Variants in NSUN6 observed in about 807,000 individuals in gnomAD.
NSUN6 encodes tRNA (cytosine(72)-C(5))-methyltransferase NSUN6.
NSUN6 carries 64 observed loss-of-function variants against 58.0 expected under a neutral mutation model. That is an observed-to-expected ratio of 1.10 (90% confidence interval 0.90 to 1.36). NSUN6 has a LOEUF of 1.36. Among genes scored for constraint, NSUN6 ranks in the 40% most tolerant of loss-of-function variants. The pLI, the probability that NSUN6 is intolerant of heterozygous loss-of-function variation, is 0.00. For missense variants in NSUN6, 701 were observed against 550.1 expected (o/e 1.27, Z -2.74); for synonymous variants, 231 against 193.9 (o/e 1.19, Z -1.59).
intron 6 of NSUN6, among the ~76,000 whole-genome samples, chr10:18,596,650 T>C (rs770377567): frequency 2.6e-5 from 4 of 152,222 alleles, no homozygotes; most frequent in Non-Finnish European, 4.4e-5. Context: ...TATTTCCTTT[T>C]CTGAATCCCA....
intron 4 of NSUN6, 125 bp downstream of exon 4, chr10:18,616,059 G>C: frequency 3.3e-6 from 2 of 615,240 alleles, no homozygotes; most frequent in Non-Finnish European, 5.7e-6. Context: ...TAAATGCAAA[G>C]CTGGAAAAAT....
At chr10:18,651,008 T>C (rs2059687865) in intron 1 of NSUN6, 121 bp downstream of exon 1, 6 of 1,132,912 alleles carry the variant, frequency 5.3e-6, no homozygotes, top group South Asian at 4.5e-5. Flanking sequence ...TTACACTTGA[T>C]AGACAAGTAG....
chr10:18,620,539 T>C (rs1001633047), intron 3 of NSUN6, among the ~76,000 whole-genome samples: 1 of 152,234 alleles, frequency 6.6e-6, no homozygotes, highest in Non-Finnish European at 1.5e-5. Flanking sequence ...TGATCACTTT[T>C]ATCAGCAGCC....
upstream of NSUN6, chr10:18,658,259 A>T (rs1452807050): frequency 1.3e-5 from 2 of 152,220 alleles, no homozygotes; most frequent in Non-Finnish European, 2.9e-5. Flanking sequence ...CCTGCATCTA[A>T]GTCTTAAAGG....
Position 18,555,014 on chromosome 10 carries a change from C to T in NSUN6, c.923-3043G>A, listed in dbSNP as rs570083152. 5.6e-5 allele frequency among the ~76,000 whole-genome samples: 8 copies of T among 141,898 alleles called. No individual in the cohort carries two copies. The South Asian group carries it at 1.6e-3, about 28-fold the overall frequency. The allele number at this position is 141,898 out of a possible 152,430, so 93.1% of individuals were successfully genotyped here. A position where few individuals can be genotyped will look rare whatever the true frequency, so the allele number is the denominator to read the frequency against. On this transcript the variant is annotated intron_variant, in intron 8 of 10. Transcript: ENST00000377304. ...ATGTAATGGAGAATAGAATGGAATG[C>T]AGTGGAATGGAGAGTGGAATGGAGA...
intron 6 of NSUN6, among the ~76,000 whole-genome samples, chr10:18,604,643 G>A (rs755751937): frequency 6.6e-6 from 1 of 152,002 alleles, no homozygotes; most frequent in Non-Finnish European, 1.5e-5. Context: ...CAGCACTTTG[G>A]GAGGTTGAGG....
At chr10:18,628,547 G>C (rs1228285097) in intron 3 of NSUN6, among the ~76,000 whole-genome samples, 2 of 152,180 alleles carry the variant, frequency 1.3e-5, no homozygotes, top group African/African-American at 4.8e-5. Context: ...AACCAATACA[G>C]AAAAGTGCTT....
At chr10:18,629,952 T>A (rs2131469318) in intron 3 of NSUN6, among the ~76,000 whole-genome samples, 1 of 150,508 alleles carries the variant, frequency 6.6e-6, no homozygotes, top group East Asian at 2.0e-4. Context: ...AGAATATACA[T>A]TTTTTTCAGC....
Position 18,609,869 on chromosome 10 carries a change from T to C in NSUN6, c.633A>G (p.Val211=), listed in dbSNP as rs201314230. 1.3e-6 allele frequency: 2 copies of C among 1,596,630 alleles called. No individual in the cohort carries two copies. The highest frequency in any genetic ancestry group is 1.7e-5 in the Admixed American group (1 of 59,990). ...CTTGTAAAAATAAGTAACGGGGCAG[T>C]ACACTGTCAAATGAAGGGCTGAGAT... ...PVYLSPSFDS[V]LPRYLFLQNL... The change falls in exon 6 of 11, where the codon GTA becomes GTG. Residue 211 remains valine, a synonymous_variant. Coordinates refer to ENST00000377304, the MANE Select transcript of NSUN6 (RefSeq NM_182543.5).
At chr10:18,595,301 C>G (rs2057542799) in intron 7 of NSUN6, among the ~76,000 whole-genome samples, 1 of 152,174 alleles carries the variant, frequency 6.6e-6, no homozygotes, top group African/African-American at 2.4e-5. Context: ...CTGATACACC[C>G]ATAATATCCA....
At chr10:18,566,198 T>G (rs754089780) in intron 8 of NSUN6, among the ~76,000 whole-genome samples, 9 of 94,290 alleles carry the variant, frequency 9.5e-5, no homozygotes, top group Non-Finnish European at 2.2e-4. Context: ...TCTCCATTCT[T>G]CATTCTATTC....
intron 5 of NSUN6, 78 bp from the exon 6 acceptor site, chr10:18,610,004 A>G: frequency 2.3e-6 from 2 of 855,972 alleles, no homozygotes; most frequent in Non-Finnish European, 3.9e-6. Flanking sequence ...AACGTTCTCC[A>G]ATAGCCTGTC....
intron 3 of NSUN6, among the ~76,000 whole-genome samples, chr10:18,627,720 G>A (rs1246945094): frequency 2.0e-5 from 3 of 152,242 alleles, no homozygotes; most frequent in Non-Finnish European, 4.4e-5. Context: ...AAAAACCGGA[G>A]CACCAGGAGA....
At chr10:18,563,156 A>G (rs778825663) in intron 8 of NSUN6, among the ~76,000 whole-genome samples, 4 of 147,132 alleles carry the variant, frequency 2.7e-5, no homozygotes, top group Non-Finnish European at 6.0e-5. Context: ...AGAGTGGAAC[A>G]AAATGGAGAA....
chr10:18,599,531 G>C (rs1055930190), intron 6 of NSUN6, among the ~76,000 whole-genome samples: 5 of 152,074 alleles, frequency 3.3e-5, no homozygotes, highest in African/African-American at 4.8e-5. Flanking sequence ...TCCAACACTG[G>C]AGCATCAGTG....
intron 3 of NSUN6, among the ~76,000 whole-genome samples, chr10:18,627,792 G>A (rs2058872963): frequency 6.6e-6 from 1 of 152,242 alleles, no homozygotes; most frequent in African/African-American, 2.4e-5. Flanking sequence ...TAACGCAGCA[G>A]TCTGAGATCA....
At chr10:18,658,852 CAAT>C (rs754558604), upstream of NSUN6, among the ~76,000 whole-genome samples, 31 of 152,104 alleles carry the variant, frequency 2.0e-4, no homozygotes, top group Non-Finnish European at 4.3e-4. Flanking sequence ...ATCAATCAAT[CAAT>C]GAGTACATAA....
intron 7 of NSUN6, among the ~76,000 whole-genome samples, chr10:18,592,930 A>C (rs2057433679): frequency 6.6e-6 from 1 of 152,214 alleles, no homozygotes; most frequent in Admixed American, 6.5e-5. Context: ...GGCAACCTAC[A>C]GATTGGGAGA....
chr10:18,570,484 TTTCCA>T (rs2056284372), intron 8 of NSUN6, among the ~76,000 whole-genome samples: 1 of 148,606 alleles, frequency 6.7e-6, no homozygotes, highest in Non-Finnish European at 1.5e-5. Context: ...TTCGTTCCAC[TTTCCA>T]TTCCATTCCA....
Sources: gnomAD v4.1 joint callset for allele counts (sites outside exome capture counted in the v4.1 genomes callset) on GRCh38, gnomAD v4.1.1 for gene constraint, MANE v1.5 for transcripts, NCBI Gene and HGNC (gene_info 2026-07-23, HGNC 2026-07-21) for gene names.